Variants in GFPT2 observed in about 807,000 individuals in gnomAD.
GFPT2 encodes the protein glutamine--fructose-6-phosphate transaminase 2.
GFPT2 carries 62 observed loss-of-function variants against 85.6 expected under a neutral mutation model. The ratio of observed to expected loss-of-function variants is 0.72; its 90% CI spans 0.59 to 0.90. The LOEUF is 0.90. GFPT2 is among the 40% of genes least tolerant of loss of function. GFPT2 has a pLI of 0.00. For missense variants in GFPT2, 788 were observed against 893.4 expected (o/e 0.88, Z 1.50); for synonymous variants, 368 against 344.5 (o/e 1.07, Z -0.75).
At chr5:180,319,914 C>A (rs574336782) in intron 9 of GFPT2, among the ~76,000 whole-genome samples, 1 of 152,316 alleles carries the variant, frequency 6.6e-6, no homozygotes, top group South Asian at 2.1e-4. Context: ...GTTTCTTACA[C>A]ACACACACAC....
At chr5:180,317,170 C>A in intron 10 of GFPT2, 112 bp from the exon 11 acceptor site, 1 of 767,786 alleles carries the variant, frequency 1.3e-6, no homozygotes, top group South Asian at 1.5e-5. Context: ...CAAAGGCATC[C>A]CCAGGGATTA....
chr5:180,335,971 C>A lies in GFPT2; in HGVS notation c.215-18G>T. ...GTCTTGTTCTAAATGAAAGGAAAAT[C>A]AGTTTGCCGCACTTGAACAACAAGC... On this transcript the variant is annotated intron_variant, in intron 3 of 18. Transcript: ENST00000253778. The A allele has an allele frequency of 1.3e-6, 2 of 1,554,166 alleles. No individual in the cohort carries two copies. The highest frequency in any genetic ancestry group is 1.2e-5 in the South Asian group (1 of 83,658).
chr5:180,319,500 A>C (rs1452077819), intron 9 of GFPT2, among the ~76,000 whole-genome samples: 3 of 152,230 alleles, frequency 2.0e-5, no homozygotes, highest in African/African-American at 7.2e-5. Context: ...AGTTTCTCTA[A>C]GAAGTGATAC....
intron 9 of GFPT2, among the ~76,000 whole-genome samples, chr5:180,321,853 G>A (rs796861071): frequency 2.0e-5 from 3 of 152,166 alleles, no homozygotes; most frequent in African/African-American, 4.8e-5. Flanking sequence ...GCGCGATCTC[G>A]GCTCACTGCA....
At chr5:180,311,339 G>A (rs1763877123) in intron 15 of GFPT2, among the ~76,000 whole-genome samples, 1 of 152,230 alleles carries the variant, frequency 6.6e-6, no homozygotes, top group Non-Finnish European at 1.5e-5. Context: ...TGCTTATCTT[G>A]GCAGGCCAGG....
Position 180,317,076 on chromosome 5 carries a change from T to A in GFPT2, c.959-18A>T. The A allele has an allele frequency of 6.9e-7, 1 of 1,448,776 alleles. No individual in the cohort carries two copies. The highest frequency in any genetic ancestry group is 9.7e-7 in the Non-Finnish European group (1 of 1,028,752). The allele number at this position is 1,448,776 out of a possible 1,614,324, so 89.7% of individuals were successfully genotyped here. On this transcript the variant is annotated intron_variant, in intron 10 of 18. Transcript: ENST00000253778. The stretch of plus-strand genomic sequence containing the variant: ...GAAGTTACCTGGTCAAATAAACGTC[T>A]GGTCAGTTTTAATTTCATTATATTT...
At chr5:180,315,493 T>C (rs1763990124) in intron 13 of GFPT2, among the ~76,000 whole-genome samples, 1 of 151,856 alleles carries the variant, frequency 6.6e-6, no homozygotes, top group Non-Finnish European at 1.5e-5. Context: ...TATGTTTTTC[T>C]TTTGTCATTT....
At chr5:180,327,649 G>A (rs1019699378) in intron 7 of GFPT2, among the ~76,000 whole-genome samples, 1 of 152,244 alleles carries the variant, frequency 6.6e-6, no homozygotes, top group Non-Finnish European at 1.5e-5. Flanking sequence ...CACACAGTAA[G>A]TGCACAGTAA....
chr5:180,308,052 C>T (rs1003246325), intron 15 of GFPT2, among the ~76,000 whole-genome samples: 10 of 152,140 alleles, frequency 6.6e-5, no homozygotes, highest in African/African-American at 1.9e-4. Context: ...GTCAGGAGAT[C>T]GAGACCATCC....
chr5:180,323,810 T>C lies in GFPT2; in HGVS notation c.794+378A>G, dbSNP rs1366855981. ...CAGCCTTTGAGCAGATCCAGACACC[T>C]GCCACCTGAGAGAGGGCTGCACAGC... On this transcript the variant is annotated intron_variant, in intron 9 of 18. Transcript: ENST00000253778. This position sits in a 1 kb window ranked among gnomAD's most constrained non-coding sequence, Gnocchi z 4.0. 6.6e-6 allele frequency among the ~76,000 whole-genome samples: 1 copy of C among 152,234 alleles called. No homozygotes were observed. The highest frequency in any genetic ancestry group is 2.4e-5 in the African/African-American group (1 of 41,468).
At chr5:180,333,370 G>A (rs1764341925) in intron 4 of GFPT2, among the ~76,000 whole-genome samples, 2 of 152,236 alleles carry the variant, frequency 1.3e-5, no homozygotes, top group East Asian at 3.9e-4. Flanking sequence ...GAGTAGCTGG[G>A]ACCACAGGCA....
At chr5:180,322,553 C>T (rs1418418596) in intron 9 of GFPT2, among the ~76,000 whole-genome samples, 1 of 152,146 alleles carries the variant, frequency 6.6e-6, no homozygotes, top group Non-Finnish European at 1.5e-5. Context: ...ATAAGGTGGA[C>T]AAGGTCCCAC....
At chr5:180,345,993 T>C (rs1000956630) in intron 1 of GFPT2, among the ~76,000 whole-genome samples, 5 of 149,426 alleles carry the variant, frequency 3.3e-5, no homozygotes, top group Admixed American at 1.3e-4. Flanking sequence ...CCCGGCCCCA[T>C]GCACCATGAG....
At position 180,353,252 on chromosome 5, in the gene GFPT2, G is replaced by A. The variant is rs1225910222; in HGVS notation, c.-35C>T. On this transcript the variant is annotated 5_prime_UTR_variant, in exon 1 of 19. Coordinates refer to ENST00000253778, the MANE Select transcript of GFPT2 (RefSeq NM_005110.4). ...TTCTCGGGCTCCTTCGCGGCTCGAGGGGGTCTGCCCGTTCGGACGCTGGGG... is the reference window on the plus strand; with the variant it reads ...TTCTCGGGCTCCTTCGCGGCTCGAGAGGGTCTGCCCGTTCGGACGCTGGGG... 3 of 1,240,780 alleles carry A rather than the reference G, an allele frequency of 2.4e-6. No individual in the cohort carries two copies. The highest frequency in any genetic ancestry group is 3.2e-5 in the East Asian group (1 of 31,644). The allele number at this position is 1,240,780 out of a possible 1,614,324, so 76.9% of individuals were successfully genotyped here.
intron 3 of GFPT2, 59 bp downstream of exon 3, chr5:180,336,420 G>C (rs973171264): frequency 6.7e-6 from 6 of 897,410 alleles, no homozygotes; most frequent in East Asian, 2.4e-5. Context: ...GTTGGAATAC[G>C]GTCCTAGAAA....
chr5:180,320,495 G>A (rs6874433), intron 9 of GFPT2, among the ~76,000 whole-genome samples: 3 of 152,026 alleles, frequency 2.0e-5, no homozygotes, highest in African/African-American at 7.2e-5. Context: ...ACTCTCGGCC[G>A]GGAGCCCTGG....
chr5:180,308,256 GAA>G (rs1193861706), intron 15 of GFPT2, among the ~76,000 whole-genome samples: 2 of 132,610 alleles, frequency 1.5e-5, no homozygotes, highest in African/African-American at 2.8e-5. Context: ...ACTCCATCTC[GAA>G]AAAAAAAAAA....
intron 7 of GFPT2, among the ~76,000 whole-genome samples, chr5:180,325,235 G>A (rs1380211763): frequency 3.3e-5 from 5 of 152,098 alleles, no homozygotes; most frequent in Admixed American, 2.0e-4. Flanking sequence ...CAGAGGAGGC[G>A]CTGGTGGGGC....
At chr5:180,335,407 G>A (rs1419118657) in intron 4 of GFPT2, among the ~76,000 whole-genome samples, 1 of 152,206 alleles carries the variant, frequency 6.6e-6, no homozygotes, top group East Asian at 1.9e-4. Context: ...CCACTCTGTG[G>A]GGAAAAGACA....
Sources: gnomAD v4.1 joint callset for allele counts (sites outside exome capture counted in the v4.1 genomes callset) on GRCh38, gnomAD v4.1.1 for gene constraint, Gnocchi (gnomAD v3.1) non-coding constraint, MANE v1.5 for transcripts, NCBI Gene and HGNC (gene_info 2026-07-23, HGNC 2026-07-21) for gene names.